Variants in TLE1 observed in about 807,000 individuals in gnomAD.
TLE1 encodes the protein TLE family member 1, transcriptional corepressor, also known as transducin-like enhancer protein 1.
TLE1 carries 21 observed loss-of-function variants against 89.8 expected under a neutral mutation model. That is an observed-to-expected ratio of 0.23 (90% CI 0.17 to 0.34). TLE1 has a LOEUF of 0.34. Ranked by LOEUF, TLE1 falls within the 10% of genes least tolerant of loss-of-function variation. The pLI is 1.00. For missense variants in TLE1, 795 were observed against 1,031.2 expected, an observed-to-expected ratio of 0.77 and a Z score of 3.14; for synonymous variants, 447 against 407.6, an observed-to-expected ratio of 1.10 and a Z score of -1.16.
chr9:81,585,532 C>T lies in TLE1; in HGVS notation c.2101G>A (p.Val701Met). 6.2e-7 allele frequency: 1 copy of T among 1,613,974 alleles called. No individual in the cohort carries two copies. The highest frequency in any genetic ancestry group is 8.5e-7 in the Non-Finnish European group (1 of 1,180,006). The stretch of plus-strand genomic sequence containing the variant: ...CAGTAAGCAAATTTCAGGGACAGCA[C>T]GCAGCTCTCATGCAGGTGCAGCTGG... ...KYQLHLHESCVLSLKFAYCGK... is the reference protein window; with the variant it reads ...KYQLHLHESCMLSLKFAYCGK... Residue 701 changes from valine (V) to methionine (M), a missense_variant, in exon 18 of 20, where the codon GTG becomes ATG. Transcript: ENST00000376499.
At chr9:81,602,783 T>C (rs2131956830) in intron 14 of TLE1, among the ~76,000 whole-genome samples, 1 of 152,090 alleles carries the variant, frequency 6.6e-6, no homozygotes, top group African/African-American at 2.4e-5. Flanking sequence ...AGGACCTTAC[T>C]GACAAAACTG....
chr9:81,655,087 C>T (rs111896866), intron 4 of TLE1, among the ~76,000 whole-genome samples: 63 of 152,100 alleles, frequency 4.1e-4, no homozygotes, highest in African/African-American at 1.4e-3. Flanking sequence ...CAGGAAAGGC[C>T]GGGTGCGGTG....
At chr9:81,589,773 A>T (rs1362230918) in intron 16 of TLE1, among the ~76,000 whole-genome samples, 4 of 152,226 alleles carry the variant, frequency 2.6e-5, no homozygotes, top group Non-Finnish European at 5.9e-5. Context: ...AAAGAAAAAA[A>T]CAAGTAACTT....
chr9:81,618,361 A>C (rs1192313158), intron 9 of TLE1, among the ~76,000 whole-genome samples: 3 of 152,214 alleles, frequency 2.0e-5, no homozygotes, highest in Non-Finnish European at 2.9e-5. Context: ...TCTAGTCTAG[A>C]AAGTTTACCC....
chr9:81,660,169 C>T (rs1830589904), intron 4 of TLE1, among the ~76,000 whole-genome samples: 1 of 152,076 alleles, frequency 6.6e-6, no homozygotes, highest in Non-Finnish European at 1.5e-5. Flanking sequence ...TACTGTGACA[C>T]ATTTCTTTGC....
chr9:81,653,003 C>G (rs947279038), intron 5 of TLE1, among the ~76,000 whole-genome samples: 3 of 152,056 alleles, frequency 2.0e-5, no homozygotes, highest in Non-Finnish European at 4.4e-5. Context: ...CCCCACACCT[C>G]CCAACTCCCA....
intron 6 of TLE1, among the ~76,000 whole-genome samples, chr9:81,648,499 A>G (rs544333993): frequency 3.9e-5 from 6 of 152,126 alleles, no homozygotes; most frequent in Non-Finnish European, 7.4e-5. Flanking sequence ...TTATACATCA[A>G]CTGAAAAAAA....
intron 8 of TLE1, among the ~76,000 whole-genome samples, chr9:81,630,090 G>A (rs980867125): frequency 6.6e-6 from 1 of 151,762 alleles, no homozygotes; most frequent in South Asian, 2.1e-4. Flanking sequence ...TCTGATTTCT[G>A]CACTTGGTAT....
At chr9:81,635,097 C>T (rs926774822) in intron 6 of TLE1, among the ~76,000 whole-genome samples, 5 of 152,192 alleles carry the variant, frequency 3.3e-5, no homozygotes, top group Non-Finnish European at 4.4e-5. Context: ...GCAGTCAGTA[C>T]AGGAGCAACT....
intron 4 of TLE1, among the ~76,000 whole-genome samples, chr9:81,665,763 C>T (rs1831384750): frequency 6.6e-6 from 1 of 152,024 alleles, no homozygotes; most frequent in Non-Finnish European, 1.5e-5. Context: ...CAAAGAATGA[C>T]AAAGCAACTC....
chr9:81,599,326 T>G (rs1830613242), intron 14 of TLE1, among the ~76,000 whole-genome samples: 3 of 152,050 alleles, frequency 2.0e-5, no homozygotes. Context: ...TTACCTTAGC[T>G]TCCACATCAG....
chr9:81,646,797 T>A lies in TLE1; in HGVS notation c.372+5417A>T, dbSNP rs568956011. Reference sequence around the variant, plus strand: ...CACAGCCATCCCCTACACAAAAACATCTAGTCAGACATCACAAAATACCCT... The same window carrying A: ...CACAGCCATCCCCTACACAAAAACAACTAGTCAGACATCACAAAATACCCT... On this transcript the variant is annotated intron_variant, in intron 6 of 19. Coordinates refer to ENST00000376499, the MANE Select transcript of TLE1 (RefSeq NM_005077.5). Among the ~76,000 whole-genome samples the A allele has an allele frequency of 1.1e-3, 164 of 152,318 alleles. No individual in the cohort carries two copies. The Middle Eastern group carries it at 0.024, about 22-fold the overall frequency.
At chr9:81,652,132 C>CAA in intron 6 of TLE1, 82 bp downstream of exon 6, 1 of 1,376,754 alleles carries the variant, frequency 7.3e-7, no homozygotes, top group Non-Finnish European at 1.0e-6. Flanking sequence ...CACACACACA[C>CAA]ACACACGTAA....
In TLE1 at chr9:81,634,292, ACTG is replaced by A; in HGVS notation, c.379_381del (p.Gln127del). On this transcript the variant is annotated inframe_deletion, in exon 7 of 20. Transcript: ENST00000376499. ...CCATGAGAAAGATGCTGAGCTTGCA[ACTG>A]CTGCTGCTGTTGGTGGTGGTGGTGA... 2.6e-6 allele frequency: 4 copies of A among 1,528,850 alleles called. No homozygotes were observed. Among genetic ancestry groups the A allele is most frequent in the South Asian group, 1.2e-5 (1 of 80,960 alleles). 94.7% of individuals were successfully genotyped at this position (1,528,850 alleles called of 1,614,324 possible). A position where few individuals can be genotyped will look rare whatever the true frequency, so the allele number is the denominator to read the frequency against.
intron 4 of TLE1, among the ~76,000 whole-genome samples, chr9:81,682,001 T>C (rs1053739101): frequency 7.9e-5 from 12 of 151,950 alleles, no homozygotes; most frequent in Non-Finnish European, 1.5e-4. Context: ...ATCCTAGCAC[T>C]TTGGGAGGCC....
At chr9:81,681,552 A>G (rs1169263010) in intron 4 of TLE1, among the ~76,000 whole-genome samples, 1 of 102,324 alleles carries the variant, frequency 9.8e-6, no homozygotes, top group Non-Finnish European at 2.3e-5. Context: ...TCCGTCGCGC[A>G]AAAAAAAAAA....
chr9:81,617,558 C>T (rs565826653), intron 9 of TLE1, among the ~76,000 whole-genome samples: 2 of 150,900 alleles, frequency 1.3e-5, no homozygotes, highest in Non-Finnish European at 2.9e-5. Flanking sequence ...AAAAATTAGC[C>T]GGGCGTGGTG....
chr9:81,677,145 G>A (rs1176631202), intron 4 of TLE1, among the ~76,000 whole-genome samples: 1 of 152,184 alleles, frequency 6.6e-6, no homozygotes, highest in Non-Finnish European at 1.5e-5. Flanking sequence ...GACTGAGGCA[G>A]GAGAATAGCT....
intron 9 of TLE1, among the ~76,000 whole-genome samples, chr9:81,619,783 T>C (rs1384558408): frequency 6.6e-6 from 1 of 152,194 alleles, no homozygotes; most frequent in Admixed American, 6.5e-5. Context: ...TCCTTTTGAA[T>C]GTGGTTTTAG....
Sources: gnomAD v4.1 joint callset for allele counts (sites outside exome capture counted in the v4.1 genomes callset) on GRCh38, gnomAD v4.1.1 for gene constraint, MANE v1.5 for transcripts, NCBI Gene and HGNC (gene_info 2026-07-23, HGNC 2026-07-21) for gene names.